The following ZNF512B variants were observed in gnomAD, a reference collection of about 807,000 sequenced individuals.
The protein encoded by ZNF512B is zinc finger protein 512B.
ZNF512B carries 22 observed loss-of-function variants against 87.8 expected under a neutral mutation model. The ratio of observed to expected loss-of-function variants is 0.25; its 90% CI spans 0.18 to 0.36. ZNF512B has a LOEUF of 0.36. ZNF512B is among the 10% of genes least tolerant of loss of function. ZNF512B has a pLI of 1.00. For missense variants in ZNF512B, 1,060 were observed against 1,231.6 expected, an observed-to-expected ratio of 0.86 and a Z score of 2.09; for synonymous variants, 524 against 490.9, an observed-to-expected ratio of 1.07 and a Z score of -0.89.
At position 63,964,356 on chromosome 20, in the gene ZNF512B, C is replaced by T. The variant is rs1196479980; in HGVS notation, c.1297G>A (p.Glu433Lys). ...AAGGTCCCTGAGATGGATGGCTGCT[C>T]CCCTGTAAACTTTTTGGGTGTTTTC... ...KQKTPKKFTG[E>K]QPSISGTFGL... The change falls in exon 7 of 17, where the codon GAG becomes AAG. Residue 433 changes from glutamate to lysine, a missense_variant. This residue lies in a region of ZNF512B where 212 missense variants were observed against 207.6 expected (regional missense o/e 1.02). Coordinates refer to ENST00000369888, the MANE Select transcript of ZNF512B (RefSeq NM_020713.3). 1 of 1,613,762 alleles carries T rather than the reference C, an allele frequency of 6.2e-7. No individual in the cohort carries two copies. The highest frequency in any genetic ancestry group is 1.3e-5 in the African/African-American group (1 of 74,900).
Position 63,966,915 on chromosome 20 carries a change from G to A in ZNF512B, c.354C>T (p.Ser118=). 3 of 1,613,850 alleles carry A rather than the reference G, an allele frequency of 1.9e-6. No homozygotes were observed. Among genetic ancestry groups the A allele is most frequent in the South Asian group, 1.1e-5 (1 of 91,090 alleles). ...GGTAATGGTACTTGAGCCCGTAGATGCTGGGGAACTCCAGCCAGCACCCTG... is the reference window on the plus strand; with the variant it reads ...GGTAATGGTACTTGAGCCCGTAGATACTGGGGAACTCCAGCCAGCACCCTG... ...PNSGCWLEFP[S]IYGLKYHYQR... The change falls in exon 4 of 17, where the codon AGC becomes AGT. Residue 118 remains serine (S), a synonymous_variant. Coordinates refer to ENST00000369888, the MANE Select transcript of ZNF512B (RefSeq NM_020713.3).
chr20:63,962,789 G>A lies in ZNF512B; in HGVS notation c.1969-8C>T, dbSNP rs763567909. The A allele has an allele frequency of 1.0e-5, 16 of 1,588,990 alleles. No individual in the cohort carries two copies. In the African/African-American group the frequency reaches 1.1e-4, roughly 11 times the overall value. On this transcript the variant is annotated splice_region_variant and splice_polypyrimidine_tract_variant and intron_variant, in intron 12 of 16. Transcript: ENST00000369888. Reference sequence around the variant, plus strand: ...TGTGGGCTCCTCAGGGGGCTGGAGGGCAGGAAGGCATGGAGGCTAGAGTGA... The same window carrying A: ...TGTGGGCTCCTCAGGGGGCTGGAGGACAGGAAGGCATGGAGGCTAGAGTGA...
rs1235811443 is a variant in ZNF512B, at chr20:63,962,718, G to A, written c.2032C>T (p.Pro678Ser). 1.9e-6 allele frequency: 3 copies of A among 1,603,352 alleles called. No individual in the cohort carries two copies. The highest frequency in any genetic ancestry group is 2.2e-5 in the South Asian group (2 of 89,314). ...AEDPLGVERT[P>S]SGRVRRTSAQ... ...GACGTGCGGCGGACACGCCCGCTTG[G>A]GGTCCGCTCCACACCCAGCGGGTCC... The change falls in exon 13 of 17, where the codon CCA (proline) becomes TCA (serine). Residue 678 changes from proline (P) to serine (S), a missense_variant. Around this residue, in one of 9 missense-constraint regions of ZNF512B, gnomAD observed 165 missense variants for 173.0 expected, o/e 0.95. Coordinates refer to ENST00000369888, the MANE Select transcript of ZNF512B (RefSeq NM_020713.3).
In ZNF512B at chr20:63,956,969, A is replaced by T. The variant is rs558066383; in HGVS notation, c.*2919T>A. ...CACTTATGTACTGAGAACTGGCATT[A>T]AAAAACCCAAACCAAGAAACCCAAA... On this transcript the variant is annotated 3_prime_UTR_variant, in exon 17 of 17. Coordinates refer to ENST00000369888, the MANE Select transcript of ZNF512B (RefSeq NM_020713.3). The T allele has an allele frequency of 6.5e-6, 1 of 152,724 alleles. No individual in the cohort carries two copies. The highest frequency in any genetic ancestry group is 2.1e-4 in the South Asian group (1 of 4,832). The allele number at this position is 152,724 out of a possible 1,614,324, so 9.5% of individuals were successfully genotyped here.
rs1000896185 is a variant in ZNF512B at position 63,960,031 on chromosome 20, G to C, written c.2536C>G (p.Arg846Gly). 1.2e-6 allele frequency: 2 copies of C among 1,613,794 alleles called. No individual in the cohort carries two copies. The highest frequency in any genetic ancestry group is 1.1e-5 in the South Asian group (1 of 91,090). The change falls in exon 17 of 17, where the codon CGA (arginine) becomes GGA (glycine). Residue 846 changes from arginine to glycine, a missense_variant. Physicochemically the swap from Arg to Gly is moderately radical, Grantham distance 125. Coordinates refer to ENST00000369888, the MANE Select transcript of ZNF512B (RefSeq NM_020713.3). ...TCTGGGGTCCGCTCCTTGGGCTTTC[G>C]GCCCCGCTTCTTTCCACCTGCCAGA... ...KNLAGGKKRGRKPKERTPEEP... is the reference protein window; with the variant it reads ...KNLAGGKKRGGKPKERTPEEP...
At chr20:63,964,769 T>C (rs2058903771) in intron 5 of ZNF512B, 53 bp from the exon 6 acceptor site, 3 of 1,592,662 alleles carry the variant, frequency 1.9e-6, no homozygotes, top group Non-Finnish European at 2.6e-6. Flanking sequence ...TGGGCCCCAT[T>C]ACCCCCAGGC....
In ZNF512B at chr20:63,966,392, G is replaced by C; in HGVS notation, c.783C>G (p.Thr261=). The C allele has an allele frequency of 6.2e-7, 1 of 1,614,030 alleles. No individual in the cohort carries two copies. Among genetic ancestry groups the C allele is most frequent in the Non-Finnish European group, 8.5e-7 (1 of 1,180,030 alleles). The change falls in exon 5 of 17, where the codon ACC becomes ACG. Residue 261 remains threonine (T), a synonymous_variant. Transcript: ENST00000369888. ...CGGGTTTGGTGACCGGCACAGACTT[G>C]GTGACTGTGATGGGTTTGGTGACCG... The part of the protein sequence containing the change: ...AMPVTKPITV[T]KSVPVTKPVP...
intron 5 of ZNF512B, 79 bp downstream of exon 5, chr20:63,966,045 ATACCTTTTCTTACCACT>A: frequency 3.3e-6 from 2 of 597,932 alleles, no homozygotes; most frequent in Non-Finnish European, 4.6e-6. Context: ...ACGAGCCCCC[ATACCTTTTCTTACCACT>A]GTTCCTCCCT....
At chr20:63,962,457 G>T in intron 13 of ZNF512B, 83 bp from the exon 14 acceptor site, 1 of 1,554,286 alleles carries the variant, frequency 6.4e-7, no homozygotes, top group South Asian at 1.2e-5. Flanking sequence ...GGCAGCAGGC[G>T]ACACTCGCCG....
chr20:63,959,128 A>T lies in ZNF512B; in HGVS notation c.*760T>A, dbSNP rs1375473616. On this transcript the variant is annotated 3_prime_UTR_variant, in exon 17 of 17. Coordinates refer to ENST00000369888, the MANE Select transcript of ZNF512B (RefSeq NM_020713.3). Reference sequence around the variant, plus strand: ...AGGGCTGGCAGCTGTGTTGAAGGGCATCAAGCTTCTGCTGCCCTGTAGGTA... The same window carrying T: ...AGGGCTGGCAGCTGTGTTGAAGGGCTTCAAGCTTCTGCTGCCCTGTAGGTA... The T allele has an allele frequency of 6.6e-6, 1 of 152,522 alleles. No homozygotes were observed. The highest frequency in any genetic ancestry group is 1.5e-5 in the Non-Finnish European group (1 of 68,204). The allele number at this position is 152,522 out of a possible 1,614,324, so 9.4% of individuals were successfully genotyped here.
In ZNF512B at chr20:63,958,069, G is replaced by A. The variant is rs1333083547; in HGVS notation, c.*1819C>T. ...ACCCACTCCCTGGCACATCTGGCAA[G>A]GGCTGCTGAGGGTTGGAGCCTTCTG... On this transcript the variant is annotated 3_prime_UTR_variant, in exon 17 of 17. Transcript: ENST00000369888. 2 of 152,208 alleles carry A rather than the reference G, an allele frequency of 1.3e-5. No individual in the cohort carries two copies. The highest frequency in any genetic ancestry group is 2.1e-4 in the South Asian group (1 of 4,840). 9.4% of individuals were successfully genotyped at this position (152,208 alleles called of 1,614,324 possible).
At position 63,964,084 on chromosome 20, in the gene ZNF512B, G is replaced by A; in HGVS notation, c.1467C>T (p.Ala489=). The change falls in exon 8 of 17, where the codon GCC becomes GCT. Residue 489 remains alanine (A), a synonymous_variant. Coordinates refer to ENST00000369888, the MANE Select transcript of ZNF512B (RefSeq NM_020713.3). ...GGCAGCCCCTACCTGGAGCTGGGTG[G>A]GCCACAGGGGCCGGTGCCTCCTTGC... ...TVSKEAPAPV[A]HPAPGGPEEQ... is the part of the protein sequence containing the mutation. The A allele has an allele frequency of 1.2e-6, 2 of 1,608,874 alleles. No homozygotes were observed. Among genetic ancestry groups the A allele is most frequent in the Admixed American group, 3.3e-5 (2 of 59,778 alleles).
rs369253446 is a variant in ZNF512B, at chr20:63,967,093, GCAGGGCACACACACCA to G, written c.265-105_265-90del. ...CCAGACTCAGAGCCCCCCCGGGCCT[GCAGGGCACACACACCA>G]CATGAGCCCCTCAACCTCGGGACTG... On this transcript the variant is annotated intron_variant, in intron 3 of 16. Transcript: ENST00000369888. 19 of 1,571,530 alleles carry G rather than the reference GCAGGGCACACACACCA, an allele frequency of 1.2e-5. No individual in the cohort carries two copies. In the African/African-American group the frequency reaches 1.5e-4, roughly 13 times the overall value.
Position 63,958,193 on chromosome 20 carries a change from G to A in ZNF512B, c.*1695C>T, listed in dbSNP as rs1447222851. On this transcript the variant is annotated 3_prime_UTR_variant, in exon 17 of 17. Transcript: ENST00000369888. ...CTACTACTGCAGGCCAAGCCCAGTG[G>A]GGCCCCTTCTCCCTGGGGAATGGGG... 1 of 152,268 alleles carries A rather than the reference G, an allele frequency of 6.6e-6. No homozygotes were observed. The highest frequency in any genetic ancestry group is 1.5e-5 in the Non-Finnish European group (1 of 68,092). The allele number at this position is 152,268 out of a possible 1,614,324, so 9.4% of individuals were successfully genotyped here.
intron 3 of ZNF512B, 109 bp downstream of exon 3, chr20:63,967,272 C>T: frequency 6.8e-7 from 1 of 1,471,596 alleles, no homozygotes. Flanking sequence ...GTGCCCACAT[C>T]TTGAGGCATA....
chr20:63,962,403 C>A, intron 13 of ZNF512B, 29 bp from the exon 14 acceptor site: 8 of 1,599,112 alleles, frequency 5.0e-6, no homozygotes, highest in Non-Finnish European at 6.8e-6. Context: ...CAGGGTGAGC[C>A]TGAGGCCAGA....
rs572577211 is a variant in ZNF512B at position 63,963,845 on chromosome 20, C to T, written c.1549G>A (p.Val517Met). The change falls in exon 9 of 17, where the codon GTG becomes ATG. Residue 517 changes from valine (V) to methionine (M), a missense_variant. This residue lies in a region of ZNF512B where 37 missense variants were observed against 72.6 expected (regional missense o/e 0.51). Transcript: ENST00000369888. ...RGEAVCPTCN[V>M]VTRKTLVGLK... The stretch of plus-strand genomic sequence containing the variant: ...CCCACGAGAGTCTTCCGGGTGACCA[C>T]GTTGCAGGTGGGGCAGACGGCTTCC... The T allele has an allele frequency of 1.9e-5, 30 of 1,612,846 alleles. 1 individual carries two copies. Among genetic ancestry groups the T allele is most frequent in the Admixed American group, 5.0e-5 (3 of 60,032 alleles).
rs949275249 is a variant in ZNF512B at position 63,961,677 on chromosome 20, G to A, written c.2328+265C>T. Among the ~76,000 whole-genome samples the A allele has an allele frequency of 2.0e-5, 3 of 152,158 alleles. No individual in the cohort carries two copies. The highest frequency in any genetic ancestry group is 1.3e-4 in the Admixed American group (2 of 15,286). On this transcript the variant is annotated intron_variant, in intron 15 of 16. Transcript: ENST00000369888. This position sits in a 1 kb window ranked among gnomAD's most constrained non-coding sequence, Gnocchi z 6.4. ...AGCCAGTGTGCCATCTGCGTGGGTC[G>A]GGGTGCCCACCCATGCCTACATGGA...
Position 63,966,395 on chromosome 20 carries a change from G to A in ZNF512B, c.780C>T (p.Val260=). 6.2e-7 allele frequency: 1 copy of A among 1,613,958 alleles called. No individual in the cohort carries two copies. Among genetic ancestry groups the A allele is most frequent in the Non-Finnish European group, 8.5e-7 (1 of 1,180,014 alleles). Residue 260 remains valine, a synonymous_variant, in exon 5 of 17, where the codon GTC becomes GTT. Transcript: ENST00000369888. The part of the protein sequence containing the change: ...KAMPVTKPIT[V]TKSVPVTKPV... The stretch of plus-strand genomic sequence containing the variant: ...GTTTGGTGACCGGCACAGACTTGGT[G>A]ACTGTGATGGGTTTGGTGACCGGCA...
Sources: gnomAD v4.1 joint callset for allele counts (sites outside exome capture counted in the v4.1 genomes callset) on GRCh38, gnomAD v4.1.1 for gene constraint, gnomAD v4.1.1 regional missense constraint, Gnocchi (gnomAD v3.1) non-coding constraint, MANE v1.5 for transcripts, NCBI Gene and HGNC (gene_info 2026-07-23, HGNC 2026-07-21) for gene names.